The following PID1 variants were observed in gnomAD, a reference collection of about 807,000 sequenced individuals.
The protein encoded by PID1 is PTB-containing, cubilin and LRP1-interacting protein.
Under a neutral mutation model 19.1 loss-of-function variants are expected in PID1, and 10 were observed. The ratio of observed to expected loss-of-function variants is 0.52; its 90% CI spans 0.32 to 0.89. PID1 has a LOEUF of 0.89. Among genes scored for constraint, PID1 ranks in the 40% least tolerant of loss-of-function variants. PID1 has a pLI of 0.03. For missense variants in PID1, 248 were observed against 285.3 expected, an observed-to-expected ratio of 0.87 and a Z score of 0.94; for synonymous variants, 130 against 116.0, an observed-to-expected ratio of 1.12 and a Z score of -0.78.
chr2:229,114,116 TC>T, intron 2 of PID1, among the ~76,000 whole-genome samples: 1 of 5,974 alleles, frequency 1.7e-4, no homozygotes, highest in Non-Finnish European at 3.6e-4. Flanking sequence ...TCTCTCTTTC[TC>T]TCTCTCTCTC....
chr2:229,052,933 T>G (rs969821543), intron 2 of PID1, among the ~76,000 whole-genome samples: 1 of 152,210 alleles, frequency 6.6e-6, no homozygotes, highest in Non-Finnish European at 1.5e-5. Context: ...AAAACAAAGC[T>G]TTGTCTCAAA....
chr2:229,151,037 G>A (rs778101148), intron 2 of PID1, among the ~76,000 whole-genome samples: 3 of 152,024 alleles, frequency 2.0e-5, no homozygotes, highest in Non-Finnish European at 4.4e-5. Flanking sequence ...GAGCAGGATG[G>A]GATGGTAGGC....
intron 1 of PID1, among the ~76,000 whole-genome samples, chr2:229,185,069 T>C (rs369053008): frequency 0.036 from 5,014 of 139,786 alleles, 128 homozygotes; most frequent in South Asian, 0.072. Context: ...ATCCTCCATA[T>C]ATATATATCC....
chr2:229,170,249 T>C (rs1439724624), intron 1 of PID1, among the ~76,000 whole-genome samples: 2 of 152,164 alleles, frequency 1.3e-5, no homozygotes, highest in African/African-American at 4.8e-5. Context: ...AGAGACAACA[T>C]GAGTGTGAAA....
At chr2:229,155,307 C>A (rs982892568) in intron 2 of PID1, among the ~76,000 whole-genome samples, 2 of 152,096 alleles carry the variant, frequency 1.3e-5, no homozygotes, top group Admixed American at 6.5e-5. Context: ...TGGCTCACAT[C>A]TGTAATCCCA....
chr2:229,243,964 C>G (rs1689939737), intron 1 of PID1, among the ~76,000 whole-genome samples: 1 of 152,056 alleles, frequency 6.6e-6, no homozygotes, highest in Non-Finnish European at 1.5e-5. Flanking sequence ...TTTTGTCAAG[C>G]AAAGGTTAAT....
At chr2:229,195,560 G>A (rs894020435) in intron 1 of PID1, among the ~76,000 whole-genome samples, 1 of 151,892 alleles carries the variant, frequency 6.6e-6, no homozygotes, top group African/African-American at 2.4e-5. Context: ...TTAGCTCAGT[G>A]ATAGATACTG....
In PID1 at chr2:229,271,245, C is replaced by CG. The variant is rs1690731555; in HGVS notation, c.-203dup. 4 of 465,330 alleles carry CG rather than the reference C, an allele frequency of 8.6e-6. No individual in the cohort carries two copies. The highest frequency in any genetic ancestry group is 1.1e-5 in the Non-Finnish European group (3 of 265,110). 28.8% of individuals were successfully genotyped at this position (465,330 alleles called of 1,614,324 possible). A position where few individuals can be genotyped will look rare whatever the true frequency, so the allele number is the denominator to read the frequency against. ...CTCAGCTGCCGGCAACTTGTGGGCA[C>CG]GGCCGCGCGCCGGCTGTCCTGGCGC... On this transcript the variant is annotated 5_prime_UTR_variant, in exon 1 of 3. Transcript: ENST00000392055.
chr2:229,206,391 AAAC>A (rs1691609845), intron 1 of PID1, among the ~76,000 whole-genome samples: 1 of 152,142 alleles, frequency 6.6e-6, no homozygotes, highest in African/African-American at 2.4e-5. Context: ...AATGACAGAG[AAAC>A]AATAAACAAT....
intron 2 of PID1, among the ~76,000 whole-genome samples, chr2:229,125,396 T>C (rs1318787128): frequency 3.8e-5 from 4 of 106,362 alleles, no homozygotes; most frequent in African/African-American, 1.4e-4. Context: ...CCTAACTAAT[T>C]CAAGTAGCCA....
chr2:229,267,189 C>T (rs1690612210), intron 1 of PID1, among the ~76,000 whole-genome samples: 1 of 152,166 alleles, frequency 6.6e-6, no homozygotes, highest in African/African-American at 2.4e-5. Flanking sequence ...TCAGAAGAAA[C>T]CAAAAGAAAG....
chr2:229,241,516 T>G (rs1248204529), intron 1 of PID1, among the ~76,000 whole-genome samples: 2 of 152,118 alleles, frequency 1.3e-5, no homozygotes, highest in African/African-American at 2.4e-5. Context: ...GTTGCACAAA[T>G]AAAACAGAAT....
intron 2 of PID1, among the ~76,000 whole-genome samples, chr2:229,079,213 G>A (rs899684458): frequency 6.6e-6 from 1 of 152,160 alleles, no homozygotes; most frequent in Non-Finnish European, 1.5e-5. Flanking sequence ...TGAGAAGACT[G>A]GCCAGGAAAT....
intron 2 of PID1, among the ~76,000 whole-genome samples, chr2:229,121,688 G>A (rs369937367): frequency 3.9e-5 from 6 of 152,258 alleles, no homozygotes; most frequent in African/African-American, 9.6e-5. Context: ...TTATACTTTG[G>A]AGAGAGGAGT....
chr2:229,143,268 G>A (rs1005688974), intron 2 of PID1, among the ~76,000 whole-genome samples: 2 of 150,792 alleles, frequency 1.3e-5, no homozygotes, highest in African/African-American at 2.4e-5. Context: ...AATGGGTGCA[G>A]CACACCAGCA....
intron 1 of PID1, among the ~76,000 whole-genome samples, chr2:229,241,146 CTGTTT>C (rs1451030944): frequency 1.3e-5 from 2 of 152,118 alleles, no homozygotes; most frequent in Non-Finnish European, 2.9e-5. Context: ...TTAATAGTAG[CTGTTT>C]TAAAGCATTT....
chr2:229,203,311 T>A (rs1226030272), intron 1 of PID1, among the ~76,000 whole-genome samples: 2 of 152,026 alleles, frequency 1.3e-5, no homozygotes, highest in South Asian at 4.1e-4. Context: ...GGGAAGGAAA[T>A]CCTTAAGCCA....
intron 1 of PID1, among the ~76,000 whole-genome samples, chr2:229,225,044 T>G (rs1463157721): frequency 6.6e-6 from 1 of 152,166 alleles, no homozygotes; most frequent in Admixed American, 6.5e-5. Flanking sequence ...TGACTATAAT[T>G]GATACTATAA....
chr2:229,258,395 AAT>A (rs1250974671), intron 1 of PID1, among the ~76,000 whole-genome samples: 1 of 152,212 alleles, frequency 6.6e-6, no homozygotes, highest in Non-Finnish European at 1.5e-5. Context: ...CGCCAAGAAA[AAT>A]TATAGAGTTC....
Sources: allele counts gnomAD v4.1 joint callset (sites outside exome capture counted in the v4.1 genomes callset), GRCh38; gene constraint gnomAD v4.1.1; transcripts MANE v1.5; gene names NCBI Gene and HGNC (gene_info 2026-07-23, HGNC 2026-07-21).